CCDC60: variants seen among roughly 807,000 people sequenced by gnomAD.
The protein encoded by CCDC60 is coiled-coil domain-containing protein 60.
A neutral mutation model predicts 63.5 loss-of-function variants in CCDC60; 54 were observed. The ratio of observed to expected loss-of-function variants is 0.85; its 90% confidence interval spans 0.68 to 1.07. The LOEUF (loss-of-function observed/expected upper bound fraction) is 1.07. Ranked by LOEUF, CCDC60 falls within the 50% of genes least tolerant of loss-of-function variation. The pLI, the probability that CCDC60 is intolerant of heterozygous loss-of-function variation, is 0.00. For synonymous variants in CCDC60, 206 were observed against 238.8 expected (o/e 0.86, Z 1.27); for missense variants, 651 against 684.3 (o/e 0.95, Z 0.54).
intron 5 of CCDC60, among the ~76,000 whole-genome samples, chr12:119,493,130 A>G (rs1229185078): frequency 1.3e-5 from 2 of 152,214 alleles, no homozygotes; most frequent in African/African-American, 2.4e-5. Flanking sequence ...CTGAGTCTCC[A>G]TCATCAAGCA....
chr12:119,354,546 C>T (rs1409303963), intron 1 of CCDC60, among the ~76,000 whole-genome samples: 2 of 152,260 alleles, frequency 1.3e-5, no homozygotes, highest in African/African-American at 2.4e-5. Flanking sequence ...CAGCATAAAT[C>T]GCCATTTTCT....
chr12:119,457,220 G>T (rs974875330), intron 2 of CCDC60, among the ~76,000 whole-genome samples: 2 of 152,220 alleles, frequency 1.3e-5, no homozygotes, highest in Admixed American at 6.5e-5. Flanking sequence ...GTGCCAGAGA[G>T]AATAAAACTG....
chr12:119,459,408 T>G (rs577009918), intron 2 of CCDC60, among the ~76,000 whole-genome samples: 1 of 152,334 alleles, frequency 6.6e-6, no homozygotes, highest in Admixed American at 6.5e-5. Flanking sequence ...ACCTAACTGA[T>G]TCCATCTTGC....
intron 1 of CCDC60, among the ~76,000 whole-genome samples, chr12:119,415,651 A>T (rs1218864958): frequency 6.6e-6 from 1 of 152,204 alleles, no homozygotes; most frequent in Admixed American, 6.5e-5. Flanking sequence ...CGTGGGAATG[A>T]CACTGGTGGG....
In CCDC60 at chr12:119,445,433, C is replaced by CAAAAAAAAA. The variant is rs58415660; in HGVS notation, c.170+16686_170+16694dup. Among the ~76,000 whole-genome samples, 119 of 27,190 alleles carry CAAAAAAAAA rather than the reference C, an allele frequency of 4.4e-3. 10 individuals are homozygous for CAAAAAAAAA. Among genetic ancestry groups the CAAAAAAAAA allele is most frequent in the African/African-American group, 0.017 (108 of 6,354 alleles). 17.8% of individuals were successfully genotyped at this position (27,190 alleles called of 152,430 possible). ...TGAGTGACAGAGCGAGACTCCATCT[C>CAAAAAAAAA]AAAAAAAAAAAAAAAAAAAAAAAGG... On this transcript the variant is annotated intron_variant, in intron 2 of 13. Transcript: ENST00000327554.
At chr12:119,381,380 G>A (rs1303520270) in intron 1 of CCDC60, among the ~76,000 whole-genome samples, 1 of 152,170 alleles carries the variant, frequency 6.6e-6, no homozygotes, top group Non-Finnish European at 1.5e-5. Flanking sequence ...TGTCCTTGGT[G>A]TGTCAACATT....
chr12:119,456,015 G>GA lies in CCDC60; in HGVS notation c.171-15976dup, dbSNP rs572821351. On this transcript the variant is annotated intron_variant, in intron 2 of 13. Coordinates refer to ENST00000327554, the MANE Select transcript of CCDC60 (RefSeq NM_178499.5). The surrounding 1 kb of genome is among the most constrained non-coding windows in gnomAD (Gnocchi z 4.6). ...AGAGAGAGAAAGAGAAAGAAAGAAA[G>GA]AAAGAAAGAAAGAAAGAAAGAAAGA... 4.9e-5 allele frequency among the ~76,000 whole-genome samples: 4 copies of GA among 82,086 alleles called. No homozygotes were observed. In the South Asian group the frequency reaches 1.9e-3, roughly 38 times the overall value. The allele number at this position is 82,086 out of a possible 152,430, so 53.9% of individuals were successfully genotyped here. A position where few individuals can be genotyped will look rare whatever the true frequency, so the allele number is the denominator to read the frequency against.
chr12:119,396,203 G>T (rs955093056), intron 1 of CCDC60, among the ~76,000 whole-genome samples: 8 of 152,280 alleles, frequency 5.3e-5, no homozygotes, highest in African/African-American at 1.9e-4. Flanking sequence ...CTCCTAAAAT[G>T]CTGGGACTAC....
chr12:119,418,874 T>C (rs1233797243), intron 1 of CCDC60, among the ~76,000 whole-genome samples: 1 of 152,232 alleles, frequency 6.6e-6, no homozygotes, highest in African/African-American at 2.4e-5. Flanking sequence ...TCTTCCTCTT[T>C]TATGACATTG....
chr12:119,335,313 G>A, intron 1 of CCDC60, 47 bp downstream of exon 1: 2 of 1,413,858 alleles, frequency 1.4e-6, no homozygotes, highest in Non-Finnish European at 2.0e-6. Context: ...GAGAACAAGT[G>A]AAATAGGAAT....
chr12:119,493,333 G>T (rs1951636061), intron 5 of CCDC60, among the ~76,000 whole-genome samples: 1 of 152,042 alleles, frequency 6.6e-6, no homozygotes, highest in Non-Finnish European at 1.5e-5. Context: ...AAGTCGGAGT[G>T]GTTCGATACC....
At chr12:119,348,552 C>T (rs1301391073) in intron 1 of CCDC60, among the ~76,000 whole-genome samples, 4 of 152,176 alleles carry the variant, frequency 2.6e-5, no homozygotes, top group African/African-American at 7.2e-5. Flanking sequence ...TGCTCTGTGA[C>T]CTTACACTAC....
intron 1 of CCDC60, among the ~76,000 whole-genome samples, chr12:119,416,327 C>T (rs1372585067): frequency 6.6e-6 from 1 of 151,302 alleles, no homozygotes; most frequent in African/African-American, 2.4e-5. Context: ...TACAGTGAGC[C>T]GAGATCACAC....
chr12:119,361,509 A>G (rs1188257984), intron 1 of CCDC60, among the ~76,000 whole-genome samples: 3 of 152,126 alleles, frequency 2.0e-5, no homozygotes, highest in Non-Finnish European at 2.9e-5. Flanking sequence ...TGGCTTAGGA[A>G]CAGCAGGGAA....
chr12:119,398,399 C>T (rs1051504145), intron 1 of CCDC60, among the ~76,000 whole-genome samples: 7 of 152,136 alleles, frequency 4.6e-5, no homozygotes, highest in Non-Finnish European at 7.4e-5. Flanking sequence ...CACGCAGACT[C>T]GGTTCCCACC....
At chr12:119,523,313 C>G (rs1952580260) in intron 10 of CCDC60, among the ~76,000 whole-genome samples, 1 of 152,208 alleles carries the variant, frequency 6.6e-6, no homozygotes, top group Non-Finnish European at 1.5e-5. Context: ...AAGGAGCAGG[C>G]TGAAACCTGG....
At chr12:119,464,310 C>CG (rs1950912619) in intron 2 of CCDC60, among the ~76,000 whole-genome samples, 1 of 124,484 alleles carries the variant, frequency 8.0e-6, no homozygotes, top group Non-Finnish European at 1.6e-5. Flanking sequence ...ACCCCCCCCC[C>CG]ACTCTTCCTT....
At chr12:119,516,517 C>A in intron 7 of CCDC60, 106 bp from the exon 8 acceptor site, 1 of 698,520 alleles carries the variant, frequency 1.4e-6, no homozygotes, top group Non-Finnish European at 2.5e-6. Flanking sequence ...GATCTCCAAC[C>A]CTCAGGAGCA....
intron 13 of CCDC60, among the ~76,000 whole-genome samples, chr12:119,532,313 G>C (rs1214554976): frequency 1.3e-5 from 2 of 151,662 alleles, no homozygotes; most frequent in Non-Finnish European, 2.9e-5. Flanking sequence ...GAGTACTAGG[G>C]GCTCCTCTTT....
Sources: allele counts gnomAD v4.1 joint callset (sites outside exome capture counted in the v4.1 genomes callset), GRCh38; gene constraint gnomAD v4.1.1; non-coding constraint Gnocchi (gnomAD v3.1); transcripts MANE v1.5; gene names NCBI Gene and HGNC (gene_info 2026-07-23, HGNC 2026-07-21).